Variants in WWOX observed in about 807,000 individuals in gnomAD.
WWOX encodes the protein WW domain containing oxidoreductase.
In WWOX, 69 loss-of-function variants were observed where a neutral mutation model predicts 46.2. The observed-to-expected ratio is 1.49, with a 90% CI of 1.23 to 1.82. The LOEUF is 1.82. Ranked by LOEUF, WWOX falls within the 40% of genes most tolerant of loss-of-function variation. WWOX has a pLI of 0.00. For synonymous variants in WWOX, 359 were observed against 202.6 expected, an observed-to-expected ratio of 1.77 and a Z score of -6.56; for missense variants, 919 against 542.6, an observed-to-expected ratio of 1.69 and a Z score of -6.89.
At chr16:78,626,580 G>C (rs548223387) in intron 8 of WWOX, among the ~76,000 whole-genome samples, 228 of 152,274 alleles carry the variant, frequency 1.5e-3, no homozygotes, top group African/African-American at 5.2e-3. Flanking sequence ...TGGTGACTCT[G>C]ATTCACCTGG....
chr16:78,858,354 A>G (rs1481217269), intron 8 of WWOX, among the ~76,000 whole-genome samples: 79 of 144,912 alleles, frequency 5.5e-4, no homozygotes, highest in South Asian at 2.6e-3. Context: ...GTGTATGTAT[A>G]TATATGTGTG....
chr16:78,673,293 A>G (rs1023486797), intron 8 of WWOX, among the ~76,000 whole-genome samples: 1 of 152,232 alleles, frequency 6.6e-6, no homozygotes, highest in East Asian at 1.9e-4. Context: ...CTAGCCTTAG[A>G]GAGAGGATGC....
chr16:78,254,072 T>A (rs1011533796), intron 5 of WWOX, among the ~76,000 whole-genome samples: 9 of 151,938 alleles, frequency 5.9e-5, no homozygotes, highest in Admixed American at 1.3e-4. Context: ...CGTGAAGAAT[T>A]CTTCTTTTTT....
At chr16:78,690,135 A>G (rs1423801340) in intron 8 of WWOX, among the ~76,000 whole-genome samples, 1 of 152,140 alleles carries the variant, frequency 6.6e-6, no homozygotes, top group Non-Finnish European at 1.5e-5. Context: ...TGCTGGGATT[A>G]CAGGTGTGAG....
At chr16:78,897,118 C>T (rs1014455226) in intron 8 of WWOX, 1 of 150,920 alleles carries the variant, frequency 6.6e-6, no homozygotes, top group Non-Finnish European at 1.5e-5. Context: ...GCCATTGTGA[C>T]ATATGCCTGT....
chr16:79,027,133 AG>A (rs1185074485), intron 8 of WWOX, among the ~76,000 whole-genome samples: 1 of 151,368 alleles, frequency 6.6e-6, no homozygotes, highest in Non-Finnish European at 1.5e-5. Flanking sequence ...TAAAATAATT[AG>A]CTGGGCATGG....
At chr16:78,215,580 C>G in intron 5 of WWOX, among the ~76,000 whole-genome samples, 1 of 152,216 alleles carries the variant, frequency 6.6e-6, no homozygotes, top group Non-Finnish European at 1.5e-5. Flanking sequence ...CAATAAACCT[C>G]TTTCCTTTAT....
At position 78,938,017 on chromosome 16, in the gene WWOX, C is replaced by T. The variant is rs546198169; in HGVS notation, c.1057-273591C>T. Among the ~76,000 whole-genome samples, 34 of 152,290 alleles carry T rather than the reference C, an allele frequency of 2.2e-4. No homozygotes were observed. The South Asian group carries it at 6.8e-3, about 31-fold the overall frequency. On this transcript the variant is annotated intron_variant, in intron 8 of 8. Coordinates refer to ENST00000566780, the MANE Select transcript of WWOX (RefSeq NM_016373.4). ...CTCAAAGTCCTTGCCTAAGGTATTG[C>T]TGTCCTCACCGTCCTATGGGGAGAT... is the stretch of plus-strand genomic sequence containing the variant.
At chr16:78,422,663 G>GTATATATATATATATATA (rs569996246) in intron 6 of WWOX, among the ~76,000 whole-genome samples, 375 of 24,388 alleles carry the variant, frequency 0.015, 44 homozygotes, top group Non-Finnish European at 0.027. Flanking sequence ...TTTTTTACAT[G>GTATATATATATATATATA]TATATATATA....
At chr16:78,211,501 A>G (rs1336802897) in intron 5 of WWOX, among the ~76,000 whole-genome samples, 1 of 152,142 alleles carries the variant, frequency 6.6e-6, no homozygotes, top group African/African-American at 2.4e-5. Flanking sequence ...GAACTGCTTA[A>G]TAAAGTCCCC....
chr16:78,178,594 G>A (rs756520720), intron 5 of WWOX, among the ~76,000 whole-genome samples: 13 of 152,252 alleles, frequency 8.5e-5, no homozygotes, highest in Admixed American at 2.6e-4. Flanking sequence ...GGCCAGGTGC[G>A]GTGGCTCACG....
At chr16:78,405,794 T>C (rs1380173880) in intron 6 of WWOX, among the ~76,000 whole-genome samples, 3 of 152,100 alleles carry the variant, frequency 2.0e-5, no homozygotes, top group African/African-American at 4.8e-5. Context: ...GCATTATCAT[T>C]CCCTTTATAG....
chr16:78,506,682 T>A (rs2151481238), intron 8 of WWOX: 2 of 148,994 alleles, frequency 1.3e-5, no homozygotes, highest in East Asian at 4.0e-4. Flanking sequence ...TCAAGATCTC[T>A]ACCTTTTTGT....
At chr16:78,709,959 G>A (rs1053897770) in intron 8 of WWOX, among the ~76,000 whole-genome samples, 2 of 152,108 alleles carry the variant, frequency 1.3e-5, no homozygotes, top group African/African-American at 2.4e-5. Context: ...TTGAACCCCT[G>A]ATCTCAGGTG....
At chr16:78,240,457 G>A (rs775768766) in intron 5 of WWOX, among the ~76,000 whole-genome samples, 8 of 152,162 alleles carry the variant, frequency 5.3e-5, no homozygotes, top group East Asian at 1.9e-4. Context: ...CCCCAGAAAC[G>A]AGGAGAGAAA....
chr16:78,430,268 C>T (rs1224721859), intron 7 of WWOX, among the ~76,000 whole-genome samples: 2 of 152,158 alleles, frequency 1.3e-5, no homozygotes, highest in South Asian at 4.1e-4. Context: ...TCACTTATCT[C>T]CACCTGGCTC....
At chr16:78,173,043 C>T (rs1292334949) in intron 5 of WWOX, among the ~76,000 whole-genome samples, 1 of 152,196 alleles carries the variant, frequency 6.6e-6, no homozygotes, top group African/African-American at 2.4e-5. Context: ...TAAAACTTCC[C>T]TACGCAAGGA....
At chr16:78,719,343 G>A (rs569595948) in intron 8 of WWOX, among the ~76,000 whole-genome samples, 3 of 152,292 alleles carry the variant, frequency 2.0e-5, no homozygotes, top group Admixed American at 2.0e-4. Context: ...TTCCTCCCGT[G>A]AGACCACCAT....
chr16:78,266,787 A>G (rs1448415228), intron 5 of WWOX, among the ~76,000 whole-genome samples: 4 of 56,164 alleles, frequency 7.1e-5, no homozygotes, highest in African/African-American at 2.6e-4. Context: ...CTATTCTTCT[A>G]TTCTCTCTCT....
Sources: allele counts gnomAD v4.1 joint callset (sites outside exome capture counted in the v4.1 genomes callset), GRCh38; gene constraint gnomAD v4.1.1; transcripts MANE v1.5; gene names NCBI Gene and HGNC (gene_info 2026-07-23, HGNC 2026-07-21).